Variants in SECISBP2 observed in about 807,000 individuals in gnomAD.
The protein encoded by SECISBP2 is SECIS binding protein 2, also known as selenocysteine insertion sequence-binding protein 2.
A neutral mutation model predicts 98.2 loss-of-function variants in SECISBP2; 96 were observed. The ratio of observed to expected loss-of-function variants is 0.98; its 90% CI spans 0.83 to 1.16. The LOEUF (loss-of-function observed/expected upper bound fraction) is 1.16, where lower values mean the gene tolerates loss of function less well. Ranked by LOEUF, SECISBP2 falls within the 50% of genes most tolerant of loss-of-function variation. SECISBP2 has a pLI of 0.00. For synonymous variants in SECISBP2, 407 were observed against 370.2 expected (o/e 1.10, Z -1.14); for missense variants, 1,046 against 1,022.9 (o/e 1.02, Z -0.31).
intron 4 of SECISBP2, among the ~76,000 whole-genome samples, chr9:89,327,896 T>C (rs1340772878): frequency 6.6e-6 from 1 of 151,040 alleles, no homozygotes; most frequent in African/African-American, 2.4e-5. Flanking sequence ...CTGCAACCTC[T>C]GCCTCCCAAG....
intron 2 of SECISBP2, among the ~76,000 whole-genome samples, chr9:89,322,010 TTGTA>T (rs1321395411): frequency 6.6e-6 from 1 of 152,250 alleles, no homozygotes; most frequent in Non-Finnish European, 1.5e-5. Flanking sequence ...TAAGTCAACT[TTGTA>T]TGTCCCCTTC....
intron 6 of SECISBP2, 101 bp downstream of exon 6, chr9:89,333,087 T>A: frequency 1.0e-6 from 1 of 969,176 alleles, no homozygotes; most frequent in Non-Finnish European, 1.6e-6. Flanking sequence ...TGTAAAGACT[T>A]AAGACAGCTA....
chr9:89,336,840 C>T (rs192322877), intron 7 of SECISBP2, among the ~76,000 whole-genome samples: 11 of 136,292 alleles, frequency 8.1e-5, no homozygotes, highest in South Asian at 6.9e-4. Flanking sequence ...GGCGTGATCT[C>T]GGCTCACTGC....
At chr9:89,321,596 A>G (rs1478802249) in intron 2 of SECISBP2, among the ~76,000 whole-genome samples, 2 of 151,948 alleles carry the variant, frequency 1.3e-5, no homozygotes, top group African/African-American at 2.4e-5. Context: ...AACCCAGGAG[A>G]TGGAGGTTGC....
At chr9:89,344,420 T>G (rs1830138119) in intron 10 of SECISBP2, among the ~76,000 whole-genome samples, 1 of 152,226 alleles carries the variant, frequency 6.6e-6, no homozygotes, top group Non-Finnish European at 1.5e-5. Flanking sequence ...TGGGTTGTCT[T>G]TCAGTGTTTT....
At chr9:89,342,408 A>G (rs919466093) in intron 10 of SECISBP2, among the ~76,000 whole-genome samples, 2 of 152,200 alleles carry the variant, frequency 1.3e-5, no homozygotes, top group East Asian at 1.9e-4. Context: ...CAGTTACTAC[A>G]TGACTCAGCG....
rs532385499 is a variant in SECISBP2 at position 89,338,317 on chromosome 9, A to G, written c.1090-141A>G. 23 of 989,362 alleles carry G rather than the reference A, an allele frequency of 2.3e-5. No individual in the cohort carries two copies. In the South Asian group the frequency reaches 3.2e-4, roughly 14 times the overall value. 61.3% of individuals were successfully genotyped at this position (989,362 alleles called of 1,614,324 possible). A position where few individuals can be genotyped will look rare whatever the true frequency, so the allele number is the denominator to read the frequency against. On this transcript the variant is annotated intron_variant, in intron 7 of 16. Transcript: ENST00000375807. ...CTAGTGAATGCTGGCTTTTTAAAAA[A>G]CAGGGGATGAGGAACCTAATTCTGA...
chr9:89,363,343 T>TG, downstream of SECISBP2: 3 of 1,572,896 alleles, frequency 1.9e-6, no homozygotes, highest in Non-Finnish European at 2.6e-6. Context: ...CCATGCTGAA[T>TG]GGGGCCCTTG....
intron 10 of SECISBP2, among the ~76,000 whole-genome samples, chr9:89,345,643 A>C (rs550632778): frequency 6.6e-6 from 1 of 152,172 alleles, no homozygotes; most frequent in African/African-American, 2.4e-5. Context: ...GCCCGGTGTC[A>C]GTGCTTTGTG....
rs1339653035 is a variant in SECISBP2 at position 89,325,472 on chromosome 9, T to C, written c.228T>C (p.Phe76=). The C allele has an allele frequency of 6.2e-7, 1 of 1,613,794 alleles. No homozygotes were observed. The highest frequency in any genetic ancestry group is 1.7e-5 in the Admixed American group (1 of 60,024). ...TEDMAFGAST[F]PPQYLSSEIT... The stretch of plus-strand genomic sequence containing the variant: ...ACATGGCCTTTGGAGCTTCAACTTT[T>C]CCACCTCAGTATTTATCTTCTGAGA... Residue 76 remains phenylalanine (F), a synonymous_variant, in exon 3 of 17, where the codon TTT becomes TTC. Coordinates refer to ENST00000375807, the MANE Select transcript of SECISBP2 (RefSeq NM_024077.5).
In SECISBP2 at chr9:89,358,695, TCA is replaced by T. The variant is rs573567597; in HGVS notation, c.2462-24_2462-23del. ...TTTCCTACTTGTTGATGCCTATTCC[TCA>T]CTCGTGCTGTTTTCTCATTTTAGTT... On this transcript the variant is annotated intron_variant, in intron 16 of 16. Coordinates refer to ENST00000375807, the MANE Select transcript of SECISBP2 (RefSeq NM_024077.5). 9 of 1,481,828 alleles carry T rather than the reference TCA, an allele frequency of 6.1e-6. No individual in the cohort carries two copies. In the South Asian group the frequency reaches 1.0e-4, roughly 17 times the overall value. The allele number at this position is 1,481,828 out of a possible 1,614,324, so 91.8% of individuals were successfully genotyped here. A position where few individuals can be genotyped will look rare whatever the true frequency, so the allele number is the denominator to read the frequency against.
chr9:89,341,611 A>C (rs1829668869), intron 10 of SECISBP2, 132 bp downstream of exon 10: 1 of 1,069,564 alleles, frequency 9.3e-7, no homozygotes. Flanking sequence ...AGCATAGATA[A>C]GGACCTGTGG....
intron 13 of SECISBP2, 90 bp downstream of exon 13, chr9:89,350,019 C>A: frequency 1.4e-6 from 2 of 1,460,850 alleles, no homozygotes; most frequent in Non-Finnish European, 1.9e-6. Flanking sequence ...ATCCTTGTTG[C>A]TGGGCCACAC....
intron 4 of SECISBP2, among the ~76,000 whole-genome samples, chr9:89,326,447 G>A (rs1182917019): frequency 6.6e-6 from 1 of 152,210 alleles, no homozygotes; most frequent in Non-Finnish European, 1.5e-5. Context: ...AGATGGGGAA[G>A]AGGTTATGCG....
chr9:89,340,576 A>G (rs1259439824), intron 9 of SECISBP2, among the ~76,000 whole-genome samples: 1 of 152,258 alleles, frequency 6.6e-6, no homozygotes, highest in East Asian at 1.9e-4. Flanking sequence ...GTGTGAGTTA[A>G]CTTTCAATTC....
chr9:89,358,781 C>T lies in SECISBP2; in HGVS notation c.2522C>T (p.Ser841Phe), dbSNP rs1221973186. ...GGATGTACCCTGGAGCTAGAAGAAT[C>T]CTTGGAGGCTTCAACCTCTCAAATG... ...YSGCTLELEE[S>F]LEASTSQMMN... Residue 841 changes from serine to phenylalanine, a missense_variant, in exon 17 of 17, where the codon TCC (serine) becomes TTC (phenylalanine). Physicochemically the swap from Ser to Phe is radical, Grantham distance 155. Coordinates refer to ENST00000375807, the MANE Select transcript of SECISBP2 (RefSeq NM_024077.5). 1.2e-6 allele frequency: 2 copies of T among 1,613,824 alleles called. No individual in the cohort carries two copies. Among genetic ancestry groups the T allele is most frequent in the Admixed American group, 1.7e-5 (1 of 60,030 alleles).
Position 89,347,005 on chromosome 9 carries a change from A to C in SECISBP2, c.1559A>C (p.Gln520Pro), listed in dbSNP as rs1830515098. 1 of 1,614,248 alleles carries C rather than the reference A, an allele frequency of 6.2e-7. No homozygotes were observed. The highest frequency in any genetic ancestry group is 1.7e-5 in the Admixed American group (1 of 60,032). ...GCCCCACTGATGAAGAAAGGGAAGCAGAGGGAGATCCCCAAGGCCAAGAAG... is the reference window on the plus strand; with the variant it reads ...GCCCCACTGATGAAGAAAGGGAAGCCGAGGGAGATCCCCAAGGCCAAGAAG... ...SSAPLMKKGK[Q>P]REIPKAKKPT... Residue 520 changes from glutamine (Q) to proline (P), a missense_variant, in exon 11 of 17, where the codon CAG (glutamine) becomes CCG (proline). Transcript: ENST00000375807.
rs1388013853 is a variant in SECISBP2 at position 89,319,699 on chromosome 9, C to T, written c.84C>T (p.Ala28=). The T allele has an allele frequency of 9.9e-6, 16 of 1,614,128 alleles. No homozygotes were observed. The highest frequency in any genetic ancestry group is 1.6e-4 in the Middle Eastern group (1 of 6,062). ...ADVKPFVPRF[A]GLNVAWLESS... is the part of the protein sequence containing the mutation. The stretch of plus-strand genomic sequence containing the variant: ...TCAAACCATTTGTCCCCAGATTTGC[C>T]GGGCTCAATGTGGCATGGTTAGAGT... The change falls in exon 2 of 17, where the codon GCC becomes GCT. Residue 28 remains alanine (A), a synonymous_variant. Coordinates refer to ENST00000375807, the MANE Select transcript of SECISBP2 (RefSeq NM_024077.5).
chr9:89,346,939 T>G lies in SECISBP2; in HGVS notation c.1493T>G (p.Met498Arg). The change falls in exon 11 of 17, where the codon ATG becomes AGG. Residue 498 changes from methionine (M) to arginine (R), a missense_variant. Physicochemically the swap from Met to Arg is moderately conservative, Grantham distance 91. Transcript: ENST00000375807. ...ECASGERGRRMSQMKTPHNPL... is the reference protein window; with the variant it reads ...ECASGERGRRRSQMKTPHNPL... ...GCATCAGGGGAGAGAGGCCGCCGCA[T>G]GAGTCAAATGAAGACCCCGCACAAT... is the stretch of plus-strand genomic sequence containing the variant. The G allele has an allele frequency of 1.2e-6, 2 of 1,614,118 alleles. No homozygotes were observed. Among genetic ancestry groups the G allele is most frequent in the Non-Finnish European group, 1.7e-6 (2 of 1,180,010 alleles).
Sources: allele counts gnomAD v4.1 joint callset (sites outside exome capture counted in the v4.1 genomes callset), GRCh38; gene constraint gnomAD v4.1.1; transcripts MANE v1.5; gene names NCBI Gene and HGNC (gene_info 2026-07-23, HGNC 2026-07-21).